Variants in AGBL1 observed in about 807,000 individuals in gnomAD.
AGBL1 encodes the protein AGBL carboxypeptidase 1.
Under a neutral mutation model 118.9 loss-of-function variants are expected in AGBL1, and 130 were observed. That is an observed-to-expected ratio of 1.09 (90% CI 0.95 to 1.26). AGBL1 has a LOEUF of 1.26. AGBL1 is among the 50% of genes most tolerant of loss of function. AGBL1 has a pLI of 0.00. For synonymous variants in AGBL1, 555 were observed against 478.9 expected, an observed-to-expected ratio of 1.16 and a Z score of -2.08; for missense variants, 1,584 against 1,298.1, an observed-to-expected ratio of 1.22 and a Z score of -3.38.
At chr15:86,244,063 G>GTAAATTAA (rs2078680384) in intron 6 of AGBL1, among the ~76,000 whole-genome samples, 1 of 143,894 alleles carries the variant, frequency 6.9e-6, no homozygotes. Context: ...AGATAAATAA[G>GTAAATTAA]TAAATAAATA....
chr15:86,456,025 C>T lies in AGBL1; in HGVS notation c.2555+58479C>T, dbSNP rs115993492. On this transcript the variant is annotated intron_variant, in intron 18 of 22. Transcript: ENST00000614907. Reference sequence around the variant, plus strand: ...AATGTTCATTCAGTGATATCCTCACCTCATTGTCATTCACTTCGATGTTCT... The same window carrying T: ...AATGTTCATTCAGTGATATCCTCACTTCATTGTCATTCACTTCGATGTTCT... Among the ~76,000 whole-genome samples, 535 of 152,242 alleles carry T rather than the reference C, an allele frequency of 3.5e-3. 6 individuals are homozygous for T. Among genetic ancestry groups the T allele is most frequent in the African/African-American group, 0.012 (510 of 41,568 alleles).
intron 19 of AGBL1, among the ~76,000 whole-genome samples, chr15:86,529,220 G>A (rs879853457): frequency 0.027 from 2,578 of 94,140 alleles, 48 homozygotes; most frequent in East Asian, 0.051. Context: ...AAAAAATTTA[G>A]AAGAATGTAT....
intron 22 of AGBL1, among the ~76,000 whole-genome samples, chr15:86,765,979 C>G (rs543703666): frequency 9.9e-5 from 15 of 152,090 alleles, no homozygotes; most frequent in African/African-American, 3.6e-4. Context: ...ATCACCCAGA[C>G]TGGTTGTAAT....
chr15:86,632,967 A>G (rs1319204699), intron 21 of AGBL1, among the ~76,000 whole-genome samples: 2 of 152,238 alleles, frequency 1.3e-5, no homozygotes, highest in Non-Finnish European at 1.5e-5. Context: ...CACAAAAGCA[A>G]TATTTGAAGA....
At chr15:86,637,449 G>A (rs372221767) in intron 21 of AGBL1, among the ~76,000 whole-genome samples, 1 of 152,238 alleles carries the variant, frequency 6.6e-6, no homozygotes, top group South Asian at 2.1e-4. Flanking sequence ...GAATGAGGCC[G>A]GGTTATAGTG....
chr15:86,438,592 TG>T (rs917331567), intron 18 of AGBL1, among the ~76,000 whole-genome samples: 5 of 152,070 alleles, frequency 3.3e-5, no homozygotes, highest in African/African-American at 1.2e-4. Context: ...CAATATTTAA[TG>T]GGATATGCTT....
At chr15:86,854,306 C>G (rs1035642827) in intron 22 of AGBL1, among the ~76,000 whole-genome samples, 1 of 152,146 alleles carries the variant, frequency 6.6e-6, no homozygotes, top group African/African-American at 2.4e-5. Flanking sequence ...TTAGCTGTCC[C>G]TGGCAGAAGC....
At chr15:86,754,397 T>C (rs2077902830) in intron 22 of AGBL1, among the ~76,000 whole-genome samples, 1 of 152,098 alleles carries the variant, frequency 6.6e-6, no homozygotes. Context: ...ACAATATTGA[T>C]TGATTAATGG....
Position 86,884,894 on chromosome 15 carries a change from A to C in AGBL1, c.3159-22193A>C, listed in dbSNP as rs1404715034. On this transcript the variant is annotated intron_variant, in intron 22 of 22. Coordinates refer to ENST00000614907, the MANE Select transcript of AGBL1 (RefSeq NM_001386094.1). ...GTGTCTCACAAAATGCCTCTCAGCG[A>C]GCTCTCGGATACGGAAGATGTGCTT... Among the ~76,000 whole-genome samples the C allele has an allele frequency of 2.6e-5, 4 of 152,332 alleles. No homozygotes were observed. The East Asian group carries it at 7.7e-4, about 29-fold the overall frequency.
intron 5 of AGBL1, among the ~76,000 whole-genome samples, chr15:86,215,765 C>T (rs1187630785): frequency 1.3e-5 from 2 of 152,222 alleles, no homozygotes; most frequent in South Asian, 4.1e-4. Context: ...AGTTCTAAAT[C>T]TAAAACATAT....
At chr15:86,916,607 G>A (rs1211721438), downstream of AGBL1, among the ~76,000 whole-genome samples, 1 of 152,220 alleles carries the variant, frequency 6.6e-6, no homozygotes, top group African/African-American at 2.4e-5. Flanking sequence ...AGAGTCCAAG[G>A]TTTAGGCTCT....
intron 6 of AGBL1, among the ~76,000 whole-genome samples, chr15:86,230,147 G>A (rs539292581): frequency 2.0e-5 from 3 of 152,308 alleles, no homozygotes; most frequent in African/African-American, 2.4e-5. Flanking sequence ...GGGACAGCCC[G>A]TCAGCCTGTT....
intron 17 of AGBL1, among the ~76,000 whole-genome samples, chr15:86,326,129 A>G (rs1331603982): frequency 1.3e-5 from 2 of 152,116 alleles, no homozygotes; most frequent in Non-Finnish European, 2.9e-5. Flanking sequence ...TCCATCAACA[A>G]GTAGTTGATT....
chr15:86,673,770 G>A (rs180789449), intron 21 of AGBL1, among the ~76,000 whole-genome samples: 5 of 152,048 alleles, frequency 3.3e-5, no homozygotes, highest in Non-Finnish European at 7.4e-5. Context: ...TGAATAGGGG[G>A]TTCTAAATGA....
At chr15:86,379,985 A>G (rs112877877) in intron 17 of AGBL1, among the ~76,000 whole-genome samples, 31 of 152,286 alleles carry the variant, frequency 2.0e-4, no homozygotes, top group Middle Eastern at 3.4e-3. Flanking sequence ...TAAAATATTC[A>G]TTTACATGCA....
intron 22 of AGBL1, among the ~76,000 whole-genome samples, chr15:86,906,725 G>C (rs1215728817): frequency 6.6e-6 from 1 of 152,070 alleles, no homozygotes; most frequent in African/African-American, 2.4e-5. Flanking sequence ...AACATGTGAG[G>C]CTGTGCACAT....
At position 86,758,223 on chromosome 15, in the gene AGBL1, A is replaced by G. The variant is rs1004173244; in HGVS notation, c.3158+83787A>G. On this transcript the variant is annotated intron_variant, in intron 22 of 22. Transcript: ENST00000614907. Reference sequence around the variant, plus strand: ...ATTTGTTTCTTGTGCTCCATCTCCAATGGCCTTCCTTTCATTTCCTAAACA... The same window carrying G: ...ATTTGTTTCTTGTGCTCCATCTCCAGTGGCCTTCCTTTCATTTCCTAAACA... Among the ~76,000 whole-genome samples the G allele has an allele frequency of 2.6e-5, 4 of 152,014 alleles. No individual in the cohort carries two copies. The East Asian group carries it at 5.8e-4, about 22-fold the overall frequency.
chr15:86,904,132 CTAGAGGA>C (rs1164967410), intron 22 of AGBL1, among the ~76,000 whole-genome samples: 2 of 152,150 alleles, frequency 1.3e-5, no homozygotes, highest in African/African-American at 4.8e-5. Context: ...CATCGTGTGG[CTAGAGGA>C]AACAAGCTCT....
At chr15:86,253,349 C>A (rs910293205) in intron 7 of AGBL1, among the ~76,000 whole-genome samples, 12 of 152,274 alleles carry the variant, frequency 7.9e-5, no homozygotes, top group Non-Finnish European at 1.2e-4. Flanking sequence ...CTCCTGAGTT[C>A]AAGCGATTCT....
Sources: gnomAD v4.1 joint callset for allele counts (sites outside exome capture counted in the v4.1 genomes callset) on GRCh38, gnomAD v4.1.1 for gene constraint, MANE v1.5 for transcripts, NCBI Gene and HGNC (gene_info 2026-07-23, HGNC 2026-07-21) for gene names.